GLYATL2: variants seen among roughly 807,000 people sequenced by gnomAD.
GLYATL2 encodes glycine N-acyltransferase-like protein 2.
GLYATL2 carries 25 observed loss-of-function variants against 21.4 expected under a neutral mutation model. That is an observed-to-expected ratio of 1.17 (90% CI 0.85 to 1.63). The LOEUF (loss-of-function observed/expected upper bound fraction) is 1.63, where lower values mean the gene tolerates loss of function less well. Ranked by LOEUF, GLYATL2 falls within the 40% of genes most tolerant of loss-of-function variation. GLYATL2 has a pLI of 0.00. For missense variants in GLYATL2, 361 were observed against 343.3 expected (o/e 1.05, Z -0.41); for synonymous variants, 114 against 118.2 (o/e 0.96, Z 0.23).
At chr11:58,836,607 A>G (rs1158358006) in intron 5 of GLYATL2, among the ~76,000 whole-genome samples, 3 of 152,238 alleles carry the variant, frequency 2.0e-5, no homozygotes, top group African/African-American at 7.2e-5. Flanking sequence ...ACTCATATAG[A>G]GTACTAAAAG....
At chr11:58,901,861 C>T (rs1854745908) in intron 1 of GLYATL2, among the ~76,000 whole-genome samples, 2 of 152,172 alleles carry the variant, frequency 1.3e-5, no homozygotes, top group African/African-American at 4.8e-5. Context: ...CACTCTACCC[C>T]CCATTCATCT....
At chr11:58,886,307 A>G (rs1854439007) in intron 1 of GLYATL2, among the ~76,000 whole-genome samples, 1 of 152,220 alleles carries the variant, frequency 6.6e-6, no homozygotes. Flanking sequence ...GTCTTTTGTT[A>G]GTGGATGTCA....
intron 1 of GLYATL2, chr11:58,892,692 G>A: frequency 2.8e-6 from 1 of 357,598 alleles, no homozygotes; most frequent in Non-Finnish European, 5.4e-6. Context: ...GAGGGGATAA[G>A]AGCAGCTGCA....
chr11:58,866,874 G>A (rs1854031606), intron 1 of GLYATL2, among the ~76,000 whole-genome samples: 1 of 149,390 alleles, frequency 6.7e-6, no homozygotes, highest in Admixed American at 6.9e-5. Context: ...GCAAAGGCAA[G>A]TGTCCTCAGA....
intron 1 of GLYATL2, among the ~76,000 whole-genome samples, chr11:58,872,388 G>A (rs544592597): frequency 1.3e-5 from 2 of 152,226 alleles, no homozygotes; most frequent in African/African-American, 4.8e-5. Flanking sequence ...GTATTCCCTA[G>A]GTTTTCTTCT....
intron 1 of GLYATL2, among the ~76,000 whole-genome samples, chr11:58,871,785 T>C (rs1389720895): frequency 3.3e-5 from 5 of 152,222 alleles, no homozygotes; most frequent in Non-Finnish European, 7.3e-5. Context: ...TTATAATCCT[T>C]TGGGTATATA....
chr11:58,874,034 A>G (rs1177113080), intron 1 of GLYATL2, among the ~76,000 whole-genome samples: 1 of 152,132 alleles, frequency 6.6e-6, no homozygotes, highest in African/African-American at 2.4e-5. Flanking sequence ...TGTGTCGAGG[A>G]ATTTATCCAT....
rs146259738 is a variant in GLYATL2 at position 58,864,583 on chromosome 11, G to A, written n.61-26215C>T. On this transcript the variant is annotated intron_variant and non_coding_transcript_variant, in intron 1 of 4. Coordinates refer to the GLYATL2 transcript ENST00000533636. Reference sequence around the variant, plus strand: ...TCTTCAACACAAAGGTTGCCTGTCTGTGTGCTCTGCTGCTCTGGTACCTGG... The same window carrying A: ...TCTTCAACACAAAGGTTGCCTGTCTATGTGCTCTGCTGCTCTGGTACCTGG... Among the ~76,000 whole-genome samples the A allele has an allele frequency of 1.8e-3, 275 of 149,366 alleles. 7 individuals carry two copies. Among genetic ancestry groups the A allele is most frequent in the African/African-American group, 6.3e-3 (260 of 41,410 alleles).
chr11:58,850,143 G>C (rs753154159), intron 1 of GLYATL2, among the ~76,000 whole-genome samples: 11 of 152,108 alleles, frequency 7.2e-5, no homozygotes, highest in Non-Finnish European at 1.5e-4. Flanking sequence ...TGGTAAAAGT[G>C]GGCATCTTTG....
chr11:58,897,448 C>A (rs1245657853), intron 1 of GLYATL2, among the ~76,000 whole-genome samples: 2 of 152,102 alleles, frequency 1.3e-5, no homozygotes, highest in Admixed American at 6.6e-5. Context: ...GGGTGCCAAC[C>A]TTTTAGAACT....
At chr11:58,898,727 G>A (rs1349289770) in intron 1 of GLYATL2, among the ~76,000 whole-genome samples, 2 of 151,942 alleles carry the variant, frequency 1.3e-5, no homozygotes, top group Non-Finnish European at 2.9e-5. Flanking sequence ...CAGTTACTCC[G>A]GAGGCTCAGG....
At chr11:58,896,595 G>T (rs1421640574) in intron 1 of GLYATL2, among the ~76,000 whole-genome samples, 1 of 152,150 alleles carries the variant, frequency 6.6e-6, no homozygotes, top group African/African-American at 2.4e-5. Flanking sequence ...GAATGCCACG[G>T]CTGCCACCAT....
At chr11:58,871,733 G>A (rs896459368) in intron 1 of GLYATL2, among the ~76,000 whole-genome samples, 9 of 152,076 alleles carry the variant, frequency 5.9e-5, no homozygotes, top group Non-Finnish European at 4.4e-5. Flanking sequence ...GAATAGTGCT[G>A]CAATAAACAT....
intron 1 of GLYATL2, among the ~76,000 whole-genome samples, chr11:58,870,905 A>G (rs958410203): frequency 1.3e-5 from 2 of 152,222 alleles, no homozygotes; most frequent in African/African-American, 2.4e-5. Context: ...TGCTCATAAG[A>G]TATGCAGAAA....
intron 1 of GLYATL2, among the ~76,000 whole-genome samples, chr11:58,843,497 T>G (rs1005109383): frequency 1.3e-5 from 2 of 152,122 alleles, no homozygotes; most frequent in African/African-American, 4.8e-5. Flanking sequence ...GAAGACAAAT[T>G]AAAACAAACC....
intron 1 of GLYATL2, among the ~76,000 whole-genome samples, chr11:58,897,194 C>G (rs1854649991): frequency 6.6e-6 from 1 of 152,136 alleles, no homozygotes; most frequent in South Asian, 2.1e-4. Flanking sequence ...TTTCTAGAGT[C>G]CTTGGAATGA....
intron 1 of GLYATL2, among the ~76,000 whole-genome samples, chr11:58,889,562 A>G (rs1854504408): frequency 6.6e-6 from 1 of 152,082 alleles, no homozygotes; most frequent in Admixed American, 6.6e-5. Flanking sequence ...TCCTACATTC[A>G]TAGAACTTAT....
intron 1 of GLYATL2, among the ~76,000 whole-genome samples, chr11:58,902,290 G>C (rs1050951713): frequency 6.6e-6 from 1 of 152,066 alleles, no homozygotes; most frequent in African/African-American, 2.4e-5. Flanking sequence ...TGGTGCCCAG[G>C]CCCTTATGTC....
intron 1 of GLYATL2, among the ~76,000 whole-genome samples, chr11:58,890,504 A>T (rs547957803): frequency 6.6e-6 from 1 of 152,284 alleles, no homozygotes; most frequent in East Asian, 1.9e-4. Context: ...AGAAAAGAAT[A>T]AAATATTGTT....
Sources: allele counts gnomAD v4.1 joint callset (sites outside exome capture counted in the v4.1 genomes callset), GRCh38; gene constraint gnomAD v4.1.1; transcripts MANE v1.5; gene names NCBI Gene and HGNC (gene_info 2026-07-23, HGNC 2026-07-21).